MTHFD1L: variants seen among roughly 807,000 people sequenced by gnomAD.
MTHFD1L encodes methylenetetrahydrofolate dehydrogenase (NADP+ dependent) 1 like.
In MTHFD1L, 81 loss-of-function variants were observed where a neutral mutation model predicts 119.5. The observed-to-expected ratio is 0.68, with a 90% CI of 0.57 to 0.82. MTHFD1L has a LOEUF of 0.82. MTHFD1L is among the 40% of genes least tolerant of loss of function. The pLI, the probability that MTHFD1L is intolerant of heterozygous loss-of-function variation, is 0.00. For synonymous variants in MTHFD1L, 430 were observed against 475.2 expected (o/e 0.90, Z 1.24); for missense variants, 1,125 against 1,253.4 (o/e 0.90, Z 1.55).
chr6:150,998,499 T>A (rs1019417070), intron 20 of MTHFD1L, among the ~76,000 whole-genome samples: 2 of 151,966 alleles, frequency 1.3e-5, no homozygotes, highest in Non-Finnish European at 2.9e-5. Flanking sequence ...TTTTTACCTT[T>A]TATTGTTTAC....
intron 27 of MTHFD1L, among the ~76,000 whole-genome samples, chr6:151,100,295 G>A (rs190059222): frequency 1.3e-5 from 2 of 152,098 alleles, no homozygotes; most frequent in African/African-American, 4.8e-5. Flanking sequence ...GAGCCACCGC[G>A]CCTGGCCTGA....
At chr6:150,907,378 A>G (rs1399482894) in intron 8 of MTHFD1L, among the ~76,000 whole-genome samples, 1 of 152,142 alleles carries the variant, frequency 6.6e-6, no homozygotes, top group Non-Finnish European at 1.5e-5. Flanking sequence ...TCTCTGGGGG[A>G]AAAAAAGACC....
intron 26 of MTHFD1L, among the ~76,000 whole-genome samples, chr6:151,074,936 T>C (rs1188100363): frequency 6.6e-6 from 1 of 152,186 alleles, no homozygotes; most frequent in Non-Finnish European, 1.5e-5. Flanking sequence ...AGGACTGTGC[T>C]GTAAATGCAA....
chr6:150,924,776 C>A (rs1446506819), intron 10 of MTHFD1L, among the ~76,000 whole-genome samples: 1 of 152,184 alleles, frequency 6.6e-6, no homozygotes, highest in African/African-American at 2.4e-5. Context: ...CTGCAGCCTG[C>A]CAAAAGCTTA....
chr6:150,902,849 AATGAACATTTC>A (rs1377877566), intron 7 of MTHFD1L, among the ~76,000 whole-genome samples: 1 of 152,180 alleles, frequency 6.6e-6, no homozygotes, highest in African/African-American at 2.4e-5. Context: ...CTTTCTCCAA[AATGAACATTTC>A]AGCCTTGTTC....
At chr6:150,959,862 C>T (rs1011112656) in intron 17 of MTHFD1L, among the ~76,000 whole-genome samples, 3 of 152,168 alleles carry the variant, frequency 2.0e-5, no homozygotes, top group African/African-American at 7.2e-5. Flanking sequence ...CAGAAGTGAA[C>T]CTGCCTAATA....
intron 26 of MTHFD1L, among the ~76,000 whole-genome samples, chr6:151,091,203 G>GACTGGGTGCAGCATCATTCCATGCA (rs1794402072): frequency 5.9e-5 from 8 of 136,478 alleles, no homozygotes; most frequent in Non-Finnish European, 1.6e-5. Flanking sequence ...CGTTCCATGC[G>GACTGGGTGCAGCATCATTCCATGCA]ACTGGGTGCA....
intron 18 of MTHFD1L, among the ~76,000 whole-genome samples, chr6:150,962,205 G>A (rs959818992): frequency 6.6e-6 from 1 of 151,986 alleles, no homozygotes. Context: ...GGCCAGGCTG[G>A]TCTCGAACTC....
intron 4 of MTHFD1L, among the ~76,000 whole-genome samples, chr6:150,880,405 G>A (rs1398347956): frequency 6.6e-6 from 1 of 152,142 alleles, no homozygotes; most frequent in Non-Finnish European, 1.5e-5. Context: ...ATGTCCTCCA[G>A]GTTCATCCAT....
intron 26 of MTHFD1L, among the ~76,000 whole-genome samples, chr6:151,053,866 A>G (rs1789471005): frequency 6.6e-6 from 1 of 152,108 alleles, no homozygotes; most frequent in Non-Finnish European, 1.5e-5. Flanking sequence ...TCTCAAAAAA[A>G]AAAAAAAAAA....
chr6:151,027,414 C>A (rs907328536), intron 24 of MTHFD1L, among the ~76,000 whole-genome samples: 1 of 152,140 alleles, frequency 6.6e-6, no homozygotes, highest in African/African-American at 2.4e-5. Flanking sequence ...TTAGCAGATG[C>A]CTTTGGGATC....
chr6:151,084,083 C>T (rs76565881), intron 26 of MTHFD1L, among the ~76,000 whole-genome samples: 3,134 of 152,322 alleles, frequency 0.021, 82 homozygotes, highest in South Asian at 0.11. Flanking sequence ...TTCCTTGAGC[C>T]TGGCTACATC....
intron 1 of MTHFD1L, among the ~76,000 whole-genome samples, chr6:150,875,215 C>G (rs1780230411): frequency 6.6e-6 from 1 of 152,146 alleles, no homozygotes; most frequent in Admixed American, 6.5e-5. Flanking sequence ...GCCATCACGC[C>G]CAGCTAAATT....
At chr6:150,913,286 G>A (rs1312960505) in intron 8 of MTHFD1L, among the ~76,000 whole-genome samples, 4 of 151,722 alleles carry the variant, frequency 2.6e-5, no homozygotes, top group African/African-American at 9.7e-5. Flanking sequence ...TCAGCCTCCC[G>A]AGTATCTGGG....
chr6:150,924,823 T>C (rs1051261218), intron 10 of MTHFD1L, among the ~76,000 whole-genome samples: 2 of 152,004 alleles, frequency 1.3e-5, no homozygotes, highest in African/African-American at 4.8e-5. Flanking sequence ...ATTTAGGAGA[T>C]TGTGGGAAGA....
chr6:150,923,318 A>G (rs1040665287), intron 10 of MTHFD1L, among the ~76,000 whole-genome samples: 7 of 151,990 alleles, frequency 4.6e-5, no homozygotes, highest in Non-Finnish European at 7.4e-5. Context: ...GGTAGGGATG[A>G]TGTCTGAATC....
chr6:150,866,111 G>A, intron 1 of MTHFD1L, 62 bp downstream of exon 1: 1 of 1,464,648 alleles, frequency 6.8e-7, no homozygotes, highest in Non-Finnish European at 9.0e-7. Context: ...CCCAGGGGCG[G>A]AGCGCCCGGG....
rs144647017 is a variant in MTHFD1L at position 150,927,871 on chromosome 6, A to G, written c.1256+1576A>G. On this transcript the variant is annotated intron_variant, in intron 11 of 27. Coordinates refer to ENST00000367321, the MANE Select transcript of MTHFD1L (RefSeq NM_015440.5). ...TCTTCTGGCACCTCTAGTTCCATCA[A>G]TAAGTGCTACCCTGGTAGTTCTGAG... Among the ~76,000 whole-genome samples, 34 of 152,236 alleles carry G rather than the reference A, an allele frequency of 2.2e-4. No individual in the cohort carries two copies. The East Asian group carries it at 5.0e-3, about 23-fold the overall frequency.
chr6:150,873,462 G>GA (rs144612035), intron 1 of MTHFD1L, among the ~76,000 whole-genome samples: 6,448 of 152,202 alleles, frequency 0.042, 169 homozygotes, highest in Non-Finnish European at 0.064. Context: ...ACATTTATAA[G>GA]AAAAAGGGGA....
Sources: allele counts gnomAD v4.1 joint callset (sites outside exome capture counted in the v4.1 genomes callset), GRCh38; gene constraint gnomAD v4.1.1; transcripts MANE v1.5; gene names NCBI Gene and HGNC (gene_info 2026-07-23, HGNC 2026-07-21).